Variants in MEF2A observed in about 807,000 individuals in gnomAD.
MEF2A encodes the protein myocyte-specific enhancer factor 2A.
In MEF2A, 28 loss-of-function variants were observed where a neutral mutation model predicts 55.8. The observed-to-expected ratio is 0.50, with a 90% CI of 0.37 to 0.69. MEF2A has a LOEUF of 0.69. Among genes scored for constraint, MEF2A ranks in the 30% least tolerant of loss-of-function variants. The pLI is 0.00. For synonymous variants in MEF2A, 239 were observed against 227.1 expected, an observed-to-expected ratio of 1.05 and a Z score of -0.47; for missense variants, 528 against 626.2, an observed-to-expected ratio of 0.84 and a Z score of 1.67.
At chr15:99,569,459 C>G (rs1961160208) in intron 1 of MEF2A, among the ~76,000 whole-genome samples, 2 of 152,188 alleles carry the variant, frequency 1.3e-5, no homozygotes, top group African/African-American at 4.8e-5. Flanking sequence ...ATCCCAGCAT[C>G]TTAAATTCAT....
intron 1 of MEF2A, among the ~76,000 whole-genome samples, chr15:99,591,936 G>T (rs942845141): frequency 6.6e-6 from 1 of 151,946 alleles, no homozygotes; most frequent in East Asian, 1.9e-4. Context: ...TTGCTTCTGG[G>T]CTTCTTTCTT....
At chr15:99,699,073 A>G (rs1478763725) in intron 8 of MEF2A, among the ~76,000 whole-genome samples, 2 of 146,588 alleles carry the variant, frequency 1.4e-5, no homozygotes, top group Non-Finnish European at 3.1e-5. Flanking sequence ...AAAAAAAACA[A>G]AAAAAACTTG....
At chr15:99,618,847 G>A (rs2040655519) in intron 2 of MEF2A, among the ~76,000 whole-genome samples, 1 of 152,204 alleles carries the variant, frequency 6.6e-6, no homozygotes. Context: ...AAAGTTGTAA[G>A]TTAAAAAGTA....
At chr15:99,587,078 T>A (rs1967567395) in intron 1 of MEF2A, among the ~76,000 whole-genome samples, 1 of 152,118 alleles carries the variant, frequency 6.6e-6, no homozygotes. Flanking sequence ...TAAATTATAC[T>A]TTAAGTTCTG....
At chr15:99,657,071 C>G (rs1156628604) in intron 4 of MEF2A, among the ~76,000 whole-genome samples, 1 of 152,044 alleles carries the variant, frequency 6.6e-6, no homozygotes, top group Non-Finnish European at 1.5e-5. Flanking sequence ...GTTCTTTTGT[C>G]CAGCTTTTTC....
chr15:99,697,053 TTA>T (rs2056583598), intron 8 of MEF2A, among the ~76,000 whole-genome samples: 1 of 81,064 alleles, frequency 1.2e-5, no homozygotes, highest in Admixed American at 1.2e-4. Flanking sequence ...TATTCATCAT[TTA>T]AAAAAAAAAA....
rs777677186 is a variant in MEF2A at position 99,621,603 on chromosome 15, A to G, written c.-142-11375A>G. Among the ~76,000 whole-genome samples, 5 of 152,232 alleles carry G rather than the reference A, an allele frequency of 3.3e-5. No homozygotes were observed. The South Asian group carries it at 1.0e-3, about 32-fold the overall frequency. ...ACATTTTGTCCCTTTACTATTGTCT[A>G]TATGCCCAAGACTCCCAATGCTTAT... On this transcript the variant is annotated intron_variant, in intron 2 of 11. Transcript: ENST00000557942.
chr15:99,635,704 A>G (rs2043685869), intron 3 of MEF2A, among the ~76,000 whole-genome samples: 1 of 152,174 alleles, frequency 6.6e-6, no homozygotes, highest in Non-Finnish European at 1.5e-5. Flanking sequence ...TTCGCACAAT[A>G]TTACATTTGT....
At chr15:99,583,397 G>A (rs745883478) in intron 1 of MEF2A, among the ~76,000 whole-genome samples, 2 of 151,998 alleles carry the variant, frequency 1.3e-5, no homozygotes, top group African/African-American at 4.8e-5. Flanking sequence ...GATAGACTTC[G>A]ACACTTTACT....
chr15:99,590,948 TA>T (rs1328013856), intron 1 of MEF2A, among the ~76,000 whole-genome samples: 1 of 150,248 alleles, frequency 6.7e-6, no homozygotes, highest in African/African-American at 2.5e-5. Flanking sequence ...TCTGCTCTTT[TA>T]AAAAATTTCA....
At chr15:99,577,146 C>A (rs1443340627) in intron 1 of MEF2A, among the ~76,000 whole-genome samples, 1 of 152,194 alleles carries the variant, frequency 6.6e-6, no homozygotes, top group Non-Finnish European at 1.5e-5. Flanking sequence ...CTGTGTTACA[C>A]ACTGTATATG....
At chr15:99,671,234 A>C in intron 4 of MEF2A, 89 bp from the exon 5 acceptor site, 1 of 1,434,450 alleles carries the variant, frequency 7.0e-7, no homozygotes, top group South Asian at 1.4e-5. Flanking sequence ...AATTCAGTTC[A>C]TTCCGTCTGT....
At chr15:99,613,158 A>G (rs1035877295) in intron 2 of MEF2A, among the ~76,000 whole-genome samples, 1 of 152,240 alleles carries the variant, frequency 6.6e-6, no homozygotes, top group Non-Finnish European at 1.5e-5. Flanking sequence ...CTAAAGACGT[A>G]CATCATCGTA....
chr15:99,671,726 T>G, intron 5 of MEF2A: 1 of 1,395,292 alleles, frequency 7.2e-7, no homozygotes, highest in Non-Finnish European at 9.4e-7. Context: ...TCTTGTTGCT[T>G]ATTTTTATAG....
intron 4 of MEF2A, among the ~76,000 whole-genome samples, chr15:99,670,630 A>C (rs952408928): frequency 5.3e-5 from 8 of 152,152 alleles, no homozygotes; most frequent in African/African-American, 1.7e-4. Context: ...AAAAAAAAGA[A>C]AAGACAGTTC....
In MEF2A at chr15:99,575,384, G is replaced by C. The variant is rs189289936; in HGVS notation, c.-225+9280G>C. The stretch of plus-strand genomic sequence containing the variant: ...GGGTTTTGTAGAGTACAGACCCTTT[G>C]TTTTGTAGGATGTCCATCAGTTTGG... On this transcript the variant is annotated intron_variant, in intron 1 of 11. Transcript: ENST00000557942. Among the ~76,000 whole-genome samples the C allele has an allele frequency of 2.6e-3, 402 of 152,154 alleles. 1 individual carries two copies. Among genetic ancestry groups the C allele is most frequent in the African/African-American group, 8.0e-3 (331 of 41,508 alleles).
intron 3 of MEF2A, among the ~76,000 whole-genome samples, chr15:99,633,909 A>T (rs185152972): frequency 4.4e-4 from 67 of 152,346 alleles, no homozygotes; most frequent in African/African-American, 1.4e-3. Flanking sequence ...TCGCATTATA[A>T]CAACAGAATT....
chr15:99,639,675 A>G (rs560466635), intron 3 of MEF2A, among the ~76,000 whole-genome samples: 1 of 152,306 alleles, frequency 6.6e-6, no homozygotes, highest in African/African-American at 2.4e-5. Flanking sequence ...TACTAGCTAC[A>G]CTGCAGTAAG....
Position 99,684,656 on chromosome 15 carries a change from G to A in MEF2A, c.671-5585G>A, listed in dbSNP as rs1441432855. Reference sequence around the variant, plus strand: ...AAGATTTTCTCCCACTCTCTGGGTTGTCTGCTGATTATTTCTTTTGCTGTG... The same window carrying A: ...AAGATTTTCTCCCACTCTCTGGGTTATCTGCTGATTATTTCTTTTGCTGTG... On this transcript the variant is annotated intron_variant, in intron 7 of 11. Coordinates refer to ENST00000557942, the MANE Select transcript of MEF2A (RefSeq NM_001319206.4). Among the ~76,000 whole-genome samples the A allele has an allele frequency of 2.6e-5, 4 of 152,060 alleles. No homozygotes were observed. In the South Asian group the frequency reaches 6.2e-4, roughly 24 times the overall value.
Sources: allele counts gnomAD v4.1 joint callset (sites outside exome capture counted in the v4.1 genomes callset), GRCh38; gene constraint gnomAD v4.1.1; transcripts MANE v1.5; gene names NCBI Gene and HGNC (gene_info 2026-07-23, HGNC 2026-07-21).